PLA2G3: variants seen among roughly 807,000 people sequenced by gnomAD.
The protein encoded by PLA2G3 is phospholipase A2 group III, also known as group 3 secretory phospholipase A2.
In PLA2G3, 39 loss-of-function variants were observed where a neutral mutation model predicts 51.3. That is an observed-to-expected ratio of 0.76 (90% CI 0.59 to 0.99). The LOEUF (loss-of-function observed/expected upper bound fraction) is 0.99, where lower values mean the gene tolerates loss of function less well. Among genes scored for constraint, PLA2G3 ranks in the 50% least tolerant of loss-of-function variants. PLA2G3 has a pLI of 0.00. For synonymous variants in PLA2G3, 293 were observed against 263.1 expected, an observed-to-expected ratio of 1.11 and a Z score of -1.10; for missense variants, 677 against 662.1, an observed-to-expected ratio of 1.02 and a Z score of -0.25.
Position 31,135,778 on chromosome 22 carries a change from T to G in PLA2G3, c.1475A>C (p.Gln492Pro), listed in dbSNP as rs772000259. Reference protein sequence around the residue: ...GPMSFYNQCLQLTQAARRPDR... With the variant: ...GPMSFYNQCLPLTQAARRPDR... Reference sequence around the variant, plus strand: ...GGGTCTCCTGGCTGCCTGGGTTAGCTGCAGGCACTGGTTGTAGAATGACAT... The same window carrying G: ...GGGTCTCCTGGCTGCCTGGGTTAGCGGCAGGCACTGGTTGTAGAATGACAT... The change falls in exon 7 of 7, where the codon CAG becomes CCG. Residue 492 changes from glutamine to proline, a missense_variant. Transcript: ENST00000215885. The G allele has an allele frequency of 6.2e-7, 1 of 1,614,032 alleles. No homozygotes were observed. The highest frequency in any genetic ancestry group is 1.1e-5 in the South Asian group (1 of 91,072).
chr22:31,139,939 A>T lies in PLA2G3; in HGVS notation c.416T>A (p.Val139Asp), dbSNP rs758779138. Residue 139 changes from valine to aspartate, a missense_variant, in exon 1 of 7, where the codon GTC becomes GAC. Transcript: ENST00000215885. The stretch of plus-strand genomic sequence containing the variant: ...CTCTCGCTGGTGCCCTCCACCAGGG[A>T]CTCCACTCTGCCCTGCTGCTCGCTT... ...RKKRAAGQSG[V>D]PGGGHQREKR... 15 of 1,612,264 alleles carry T rather than the reference A, an allele frequency of 9.3e-6. No homozygotes were observed. Among genetic ancestry groups the T allele is most frequent in the Non-Finnish European group, 1.2e-5 (14 of 1,179,568 alleles).
At position 31,138,036 on chromosome 22, in the gene PLA2G3, C is replaced by G. The variant is rs1403306489; in HGVS notation, c.783-43G>C. On this transcript the variant is annotated intron_variant, in intron 3 of 6. Coordinates refer to ENST00000215885, the MANE Select transcript of PLA2G3 (RefSeq NM_015715.5). ...GTGGAAATTGGTGACTGGGAATCCC[C>G]CTTCCAGAAGCCCCCAGGGTCGTCT... 10 of 1,516,214 alleles carry G rather than the reference C, an allele frequency of 6.6e-6. No individual in the cohort carries two copies. The African/African-American group carries it at 1.4e-4, about 21-fold the overall frequency. The allele number at this position is 1,516,214 out of a possible 1,614,324, so 93.9% of individuals were successfully genotyped here. A position where few individuals can be genotyped will look rare whatever the true frequency, so the allele number is the denominator to read the frequency against.
chr22:31,135,956 G>T lies in PLA2G3; in HGVS notation c.1317-20C>A. On this transcript the variant is annotated intron_variant, in intron 6 of 6. Coordinates refer to ENST00000215885, the MANE Select transcript of PLA2G3 (RefSeq NM_015715.5). ...GAACAGCTGTAAGGAGAGAAGAGTG[G>T]GGCAGATGATCAGGGCTGACAAGGA... 2 of 1,596,058 alleles carry T rather than the reference G, an allele frequency of 1.3e-6. No homozygotes were observed. The highest frequency in any genetic ancestry group is 1.7e-6 in the Non-Finnish European group (2 of 1,165,518).
rs752142601 is a variant in PLA2G3, at chr22:31,139,950, C to T, written c.405G>A (p.Gly135=). ...GCCCTCCACCAGGGACTCCACTCTGCCCTGCTGCTCGCTTCTTCCTGGCCC... is the reference window on the plus strand; with the variant it reads ...GCCCTCCACCAGGGACTCCACTCTGTCCTGCTGCTCGCTTCTTCCTGGCCC... ...PAGARKKRAA[G]QSGVPGGGHQ... The change falls in exon 1 of 7, where the codon GGG becomes GGA. Residue 135 remains glycine (G), a synonymous_variant. Transcript: ENST00000215885. 2.5e-6 allele frequency: 4 copies of T among 1,614,022 alleles called. No homozygotes were observed. Among genetic ancestry groups the T allele is most frequent in the Non-Finnish European group, 3.4e-6 (4 of 1,180,018 alleles).
At position 31,136,784 on chromosome 22, in the gene PLA2G3, C is replaced by T. The variant is rs1922592576; in HGVS notation, c.1215G>A (p.Leu405=). 1 of 1,611,992 alleles carries T rather than the reference C, an allele frequency of 6.2e-7. No individual in the cohort carries two copies. Among genetic ancestry groups the T allele is most frequent in the Non-Finnish European group, 8.5e-7 (1 of 1,179,332 alleles). ...TAACCTCGGGTGGGCTGTGGAGCCT[C>T]AGGAAGCGTGCCAGACTGAGAACAG... ...CNCTRRLARF[L]RLHSPPEVTN... is the part of the protein sequence containing the mutation. The change falls in exon 6 of 7, where the codon CTG becomes CTA. Residue 405 remains leucine, a synonymous_variant. Coordinates refer to ENST00000215885, the MANE Select transcript of PLA2G3 (RefSeq NM_015715.5).
rs762016272 is a variant in PLA2G3 at position 31,137,964 on chromosome 22, G to A, written c.812C>T (p.Ala271Val). Residue 271 changes from alanine to valine, a missense_variant, in exon 4 of 7, where the codon GCT (alanine) becomes GTT (valine). Physicochemically the swap from Ala to Val is moderately conservative, Grantham distance 64. Coordinates refer to ENST00000215885, the MANE Select transcript of PLA2G3 (RefSeq NM_015715.5). ...GTAGAAGGTCCTGGGCTGCAGGCGA[G>A]CGAGGGGCACTGTGCCGTACATCCT... The part of the protein sequence containing the change: ...GCRMYGTVPL[A>V]RLQPRTFYNA... 9 of 1,591,836 alleles carry A rather than the reference G, an allele frequency of 5.7e-6. No homozygotes were observed. The East Asian group carries it at 1.6e-4, about 28-fold the overall frequency.
In PLA2G3 at chr22:31,140,073, G is replaced by A. The variant is rs896204239; in HGVS notation, c.282C>T (p.Gly94=). The A allele has an allele frequency of 5.0e-6, 8 of 1,613,440 alleles. No homozygotes were observed. The highest frequency in any genetic ancestry group is 5.9e-6 in the Non-Finnish European group (7 of 1,179,996). ...CGGGTCCGGGGGTGTGGATGAAGGA[G>A]CCCCAGGCAGTCTCATGAGCACAGA... ...GALCAHETAW[G]SFIHTPGPEL... The change falls in exon 1 of 7, where the codon GGC becomes GGT. Residue 94 remains glycine (G), a synonymous_variant. Transcript: ENST00000215885.
chr22:31,139,470 G>T (rs1236731788), intron 1 of PLA2G3, among the ~76,000 whole-genome samples: 2 of 152,166 alleles, frequency 1.3e-5, no homozygotes, highest in Non-Finnish European at 2.9e-5. Context: ...TATGTGCTGA[G>T]TTGGGATTTG....
intron 6 of PLA2G3, among the ~76,000 whole-genome samples, chr22:31,136,387 C>G (rs1184647008): frequency 6.6e-6 from 1 of 152,204 alleles, no homozygotes; most frequent in African/African-American, 2.4e-5. Context: ...TATGTGCATC[C>G]TGCCGTTTCC....
In PLA2G3 at chr22:31,136,791, C is replaced by A. The variant is rs376574267; in HGVS notation, c.1208G>T (p.Arg403Leu). Residue 403 changes from arginine to leucine, a missense_variant, in exon 6 of 7, where the codon CGC (arginine) becomes CTC (leucine). By Grantham distance (102) the Arg-to-Leu change is moderately radical. Coordinates refer to ENST00000215885, the MANE Select transcript of PLA2G3 (RefSeq NM_015715.5). ...FHCNCTRRLA[R>L]FLRLHSPPEV... ...GGGTGGGCTGTGGAGCCTCAGGAAGCGTGCCAGACTGAGAACAGAGGCAGG... is the reference window on the plus strand; with the variant it reads ...GGGTGGGCTGTGGAGCCTCAGGAAGAGTGCCAGACTGAGAACAGAGGCAGG... 4 of 1,609,998 alleles carry A rather than the reference C, an allele frequency of 2.5e-6. No homozygotes were observed. The highest frequency in any genetic ancestry group is 3.4e-6 in the Non-Finnish European group (4 of 1,178,580).
At chr22:31,137,231 C>T (rs1333532663) in intron 4 of PLA2G3, among the ~76,000 whole-genome samples, 191 bp from the exon 5 acceptor site, 3 of 152,218 alleles carry the variant, frequency 2.0e-5, no homozygotes, top group African/African-American at 7.2e-5. Context: ...CCCCAAGCCG[C>T]CAAACACGGT....
intron 6 of PLA2G3, among the ~76,000 whole-genome samples, chr22:31,136,177 T>G (rs1252204736): frequency 6.6e-6 from 1 of 152,016 alleles, no homozygotes; most frequent in East Asian, 1.9e-4. Context: ...ATCTATGAAA[T>G]GGGAAAGTTA....
chr22:31,138,472 C>T (rs1922719535), intron 2 of PLA2G3, 62 bp from the exon 3 acceptor site: 1 of 1,587,210 alleles, frequency 6.3e-7, no homozygotes, highest in Admixed American at 1.7e-5. Context: ...CCTCCCACAG[C>T]CCACTGTGCC....
Position 31,138,393 on chromosome 22 carries a change from T to C in PLA2G3, c.665A>G (p.Gln222Arg). 6.2e-7 allele frequency: 1 copy of C among 1,613,978 alleles called. No homozygotes were observed. The highest frequency in any genetic ancestry group is 1.1e-5 in the South Asian group (1 of 91,084). ...DCDTRFQQCLQNQHDSISDIV... is the reference protein window; with the variant it reads ...DCDTRFQQCLRNQHDSISDIV... ...GTCCGAGATGGAGTCGTGCTGATTC[T>C]GTAGGCATTGCTGAAACCTGCCCCA... Residue 222 changes from glutamine to arginine, a missense_variant, in exon 3 of 7, where the codon CAG becomes CGG. Gln to Arg is a conservative substitution (Grantham distance 43). Coordinates refer to ENST00000215885, the MANE Select transcript of PLA2G3 (RefSeq NM_015715.5).
At position 31,137,888 on chromosome 22, in the gene PLA2G3, G is replaced by C. The variant is rs764413261; in HGVS notation, c.888C>G (p.Ser296Arg). The change falls in exon 4 of 7, where the codon AGC (serine) becomes AGG (arginine). Residue 296 changes from serine to arginine, a missense_variant. By Grantham distance (110) the Ser-to-Arg change is moderately radical. Transcript: ENST00000215885. ...TCTGTCGAGGCTTGGGAGGGGCTGG[G>C]CTCCGGGAGCTGGGAGTTGGGGAGG... The part of the protein sequence containing the change: ...RATSPTPSSR[S>R]PAPPKPRQKQ... 5.0e-6 allele frequency: 8 copies of C among 1,613,780 alleles called. No individual in the cohort carries two copies. The African/African-American group carries it at 6.7e-5, about 13-fold the overall frequency.
In PLA2G3 at chr22:31,137,898, CTGGGAGTTGGGGAGG is replaced by C. The variant is rs2147895054; in HGVS notation, c.863_877del (p.Thr288_Pro292del). 6.2e-7 allele frequency: 1 copy of C among 1,613,582 alleles called. No individual in the cohort carries two copies. The highest frequency in any genetic ancestry group is 2.2e-5 in the East Asian group (1 of 44,858). Reference sequence around the variant, plus strand: ...CTTGGGAGGGGCTGGGCTCCGGGAGCTGGGAGTTGGGGAGGTGGCCCGGGAGCTCCAGGAGGCATT... The same window carrying C: ...CTTGGGAGGGGCTGGGCTCCGGGAGCTGGCCCGGGAGCTCCAGGAGGCATT... On this transcript the variant is annotated inframe_deletion, in exon 4 of 7. Coordinates refer to ENST00000215885, the MANE Select transcript of PLA2G3 (RefSeq NM_015715.5).
chr22:31,136,075 G>A (rs1321442825), intron 6 of PLA2G3, 139 bp from the exon 7 acceptor site: 13 of 674,692 alleles, frequency 1.9e-5, no homozygotes, highest in South Asian at 1.3e-4. Flanking sequence ...TGGGTTTCAC[G>A]GAGAAAGGGT....
At position 31,136,660 on chromosome 22, in the gene PLA2G3, C is replaced by G. The variant is rs763795240; in HGVS notation, c.1316+23G>C. ...CACCCTTTGAGAAAACCCCCCATCC[C>G]TCCTGGCTCTGACATCACTTACTTT... On this transcript the variant is annotated intron_variant, in intron 6 of 6. Coordinates refer to ENST00000215885, the MANE Select transcript of PLA2G3 (RefSeq NM_015715.5). 11 of 1,596,986 alleles carry G rather than the reference C, an allele frequency of 6.9e-6. No individual in the cohort carries two copies. In the South Asian group the frequency reaches 1.2e-4, roughly 18 times the overall value.
rs371471371 is a variant in PLA2G3 at position 31,140,182 on chromosome 22, A to G, written c.173T>C (p.Ile58Thr). Residue 58 changes from isoleucine to threonine, a missense_variant, in exon 1 of 7, where the codon ATC (isoleucine) becomes ACC (threonine). Transcript: ENST00000215885. ...LAKDAQGLAL[I>T]HARWDAHRRL... ...CCTATGCGCATCCCAGCGGGCATGG[A>G]TCAGGGCCAGTCCCTGAGCATCCTT... 1.5e-4 allele frequency: 235 copies of G among 1,612,474 alleles called. No homozygotes were observed. The highest frequency in any genetic ancestry group is 1.9e-4 in the Non-Finnish European group (222 of 1,179,900).
Sources: allele counts gnomAD v4.1 joint callset (sites outside exome capture counted in the v4.1 genomes callset), GRCh38; gene constraint gnomAD v4.1.1; transcripts MANE v1.5; gene names NCBI Gene and HGNC (gene_info 2026-07-23, HGNC 2026-07-21).